The following KAZN variants were observed in gnomAD, a reference collection of about 807,000 sequenced individuals.
The protein encoded by KAZN is kazrin, periplakin interacting protein.
In KAZN, 40 loss-of-function variants were observed where a neutral mutation model predicts 87.4. The observed-to-expected ratio is 0.46, with a 90% CI of 0.36 to 0.60. The LOEUF (loss-of-function observed/expected upper bound fraction) is 0.60, where lower values mean the gene tolerates loss of function less well. Among genes scored for constraint, KAZN ranks in the 20% least tolerant of loss-of-function variants. The pLI is 0.00. For synonymous variants in KAZN, 466 were observed against 458.3 expected (o/e 1.02, Z -0.22); for missense variants, 898 against 1,073.9 (o/e 0.84, Z 2.29).
intron 2 of KAZN, among the ~76,000 whole-genome samples, chr1:14,464,441 C>T (rs1235108535): frequency 6.6e-6 from 1 of 152,062 alleles, no homozygotes; most frequent in Non-Finnish European, 1.5e-5. Flanking sequence ...TTACCCAAGT[C>T]CTCCCCTTCC....
At chr1:14,253,506 T>A (rs1650236052) in intron 2 of KAZN, among the ~76,000 whole-genome samples, 1 of 152,222 alleles carries the variant, frequency 6.6e-6, no homozygotes, top group Non-Finnish European at 1.5e-5. Flanking sequence ...CATTTTGAAA[T>A]AAGACTCATG....
chr1:15,084,932 G>T (rs1270096700), intron 8 of KAZN, among the ~76,000 whole-genome samples: 1 of 152,134 alleles, frequency 6.6e-6, no homozygotes, highest in Non-Finnish European at 1.5e-5. Context: ...TAAATACTAT[G>T]CATAAAATAC....
intron 2 of KAZN, among the ~76,000 whole-genome samples, chr1:14,479,495 C>T (rs1242984456): frequency 1.3e-5 from 2 of 152,210 alleles, no homozygotes; most frequent in Non-Finnish European, 2.9e-5. Flanking sequence ...TAGTGGTTTG[C>T]TCTCTGCATC....
rs151215846 is a variant in KAZN at position 13,984,359 on chromosome 1, A to G, written c.91+90603A>G. On this transcript the variant is annotated intron_variant, in intron 1 of 16. Coordinates refer to the KAZN transcript ENST00000636203. Reference sequence around the variant, plus strand: ...CTTGGAAGCTTCTAGGAAACGGGCAATGGGCTGTTCTTTACTGGAATTGCC... The same window carrying G: ...CTTGGAAGCTTCTAGGAAACGGGCAGTGGGCTGTTCTTTACTGGAATTGCC... Among the ~76,000 whole-genome samples the G allele has an allele frequency of 3.5e-3, 538 of 152,256 alleles. 2 individuals carry two copies. Among genetic ancestry groups the G allele is most frequent in the African/African-American group, 0.012 (502 of 41,564 alleles).
At chr1:14,796,625 T>C (rs749169578) in intron 1 of KAZN, among the ~76,000 whole-genome samples, 1 of 152,250 alleles carries the variant, frequency 6.6e-6, no homozygotes, top group Non-Finnish European at 1.5e-5. Context: ...CTCAGCTCTA[T>C]GTATCGCCGT....
chr1:14,418,878 A>T (rs1557706929), intron 2 of KAZN, among the ~76,000 whole-genome samples: 1 of 152,214 alleles, frequency 6.6e-6, no homozygotes, highest in Non-Finnish European at 1.5e-5. Flanking sequence ...TGTGCAAATG[A>T]AAATAAGGCT....
intron 2 of KAZN, among the ~76,000 whole-genome samples, chr1:14,516,670 A>T (rs554071625): frequency 1.3e-5 from 2 of 152,036 alleles, no homozygotes; most frequent in South Asian, 4.2e-4. Context: ...TGAAGCTCTG[A>T]CTCTGTTCCC....
At position 14,082,989 on chromosome 1, in the gene KAZN, G is replaced by A. The variant is rs57433530; in HGVS notation, c.92-97446G>A. Reference sequence around the variant, plus strand: ...GGCGGGTGGATCATGAGGTCAGATTGAGACCATCCTGGCTAACACGGTGAA... The same window carrying A: ...GGCGGGTGGATCATGAGGTCAGATTAAGACCATCCTGGCTAACACGGTGAA... On this transcript the variant is annotated intron_variant, in intron 1 of 16. Coordinates refer to the KAZN transcript ENST00000636203. Among the ~76,000 whole-genome samples, 1,367 of 152,300 alleles carry A rather than the reference G, an allele frequency of 9.0e-3. 26 individuals carry two copies. Among genetic ancestry groups the A allele is most frequent in the African/African-American group, 0.031 (1,306 of 41,570 alleles).
intron 1 of KAZN, among the ~76,000 whole-genome samples, chr1:14,013,117 G>A (rs1455834781): frequency 6.6e-6 from 1 of 152,086 alleles, no homozygotes; most frequent in African/African-American, 2.4e-5. Context: ...CCACTTTTCC[G>A]GAACCTGCAT....
At chr1:14,853,650 G>T (rs1252243564) in intron 1 of KAZN, among the ~76,000 whole-genome samples, 2 of 152,162 alleles carry the variant, frequency 1.3e-5, no homozygotes, top group Non-Finnish European at 2.9e-5. Flanking sequence ...CCTTAATCTG[G>T]TGCATGATCC....
At position 14,856,192 on chromosome 1, in the gene KAZN, G is replaced by A. The variant is rs975230013; in HGVS notation, c.227-104492G>A. On this transcript the variant is annotated intron_variant, in intron 1 of 14. Coordinates refer to ENST00000376030, the MANE Select transcript of KAZN (RefSeq NM_201628.3). The surrounding 1 kb of genome is among the most constrained non-coding windows in gnomAD (Gnocchi z 5.2). The stretch of plus-strand genomic sequence containing the variant: ...GCTGCAGCTCTTGGGAGGATAATGG[G>A]CATAGAAATTGGGGAGGGGATGAAA... Among the ~76,000 whole-genome samples the A allele has an allele frequency of 1.3e-5, 2 of 152,162 alleles. No individual in the cohort carries two copies. The highest frequency in any genetic ancestry group is 2.4e-5 in the African/African-American group (1 of 41,434).
intron 1 of KAZN, among the ~76,000 whole-genome samples, chr1:14,086,500 G>A (rs1267899562): frequency 6.6e-6 from 1 of 152,040 alleles, no homozygotes; most frequent in African/African-American, 2.4e-5. Flanking sequence ...TTTCTTATCA[G>A]TATCTCAAAT....
chr1:14,277,064 C>G (rs1261889761), intron 2 of KAZN, among the ~76,000 whole-genome samples: 2 of 152,246 alleles, frequency 1.3e-5, no homozygotes, highest in East Asian at 3.9e-4. Flanking sequence ...ATAAAACTTC[C>G]TCTTTTTCTT....
chr1:14,667,136 T>C (rs912296180), intron 1 of KAZN, among the ~76,000 whole-genome samples: 1 of 152,206 alleles, frequency 6.6e-6, no homozygotes, highest in African/African-American at 2.4e-5. Flanking sequence ...AGATTCCAGA[T>C]GGATGTGAAT....
intron 1 of KAZN, among the ~76,000 whole-genome samples, chr1:14,114,539 T>C (rs891785798): frequency 6.6e-6 from 1 of 152,020 alleles, no homozygotes; most frequent in Non-Finnish European, 1.5e-5. Flanking sequence ...ATCCTCCATA[T>C]CCAGGCCGAC....
rs145515438 is a variant in KAZN, at chr1:14,996,433, A to G, written c.418+35558A>G. On this transcript the variant is annotated intron_variant, in intron 2 of 14. Coordinates refer to ENST00000376030, the MANE Select transcript of KAZN (RefSeq NM_201628.3). The surrounding 1 kb of genome is among the most constrained non-coding windows in gnomAD (Gnocchi z 5.9). ...GGGACTGTGACTTAGTCATCACTGT[A>G]TCATCAGACCCGGCACAGGGCCTGG... is the stretch of plus-strand genomic sequence containing the variant. 9.9e-5 allele frequency among the ~76,000 whole-genome samples: 15 copies of G among 152,258 alleles called. No homozygotes were observed. The East Asian group carries it at 2.9e-3, about 29-fold the overall frequency.
chr1:13,893,124 G>C (rs1049151676), exon 1 of KAZN: 3 of 152,118 alleles, frequency 2.0e-5, no homozygotes, highest in Non-Finnish European at 4.4e-5. Flanking sequence ...CCCAGGGTCG[G>C]CGCTGCAGGC....
intron 1 of KAZN, among the ~76,000 whole-genome samples, chr1:14,836,209 C>T (rs137997805): frequency 6.6e-6 from 1 of 152,306 alleles, no homozygotes; most frequent in East Asian, 1.9e-4. Flanking sequence ...TCCAGGTCCC[C>T]TGGGCAGGAC....
intron 1 of KAZN, among the ~76,000 whole-genome samples, chr1:13,921,506 A>G (rs1640066470): frequency 6.6e-6 from 1 of 152,254 alleles, no homozygotes; most frequent in East Asian, 1.9e-4. Flanking sequence ...GTTCTAATCC[A>G]TGAGCATGCC....
Sources: allele counts gnomAD v4.1 joint callset (sites outside exome capture counted in the v4.1 genomes callset), GRCh38; gene constraint gnomAD v4.1.1; non-coding constraint Gnocchi (gnomAD v3.1); transcripts MANE v1.5; gene names NCBI Gene and HGNC (gene_info 2026-07-23, HGNC 2026-07-21).